Variants in ZCCHC2 observed in about 807,000 individuals in gnomAD.
ZCCHC2 encodes the protein zinc finger CCHC-type containing 2.
ZCCHC2 carries 39 observed loss-of-function variants against 103.6 expected under a neutral mutation model. The ratio of observed to expected loss-of-function variants is 0.38; its 90% confidence interval spans 0.29 to 0.49. The LOEUF (loss-of-function observed/expected upper bound fraction) is 0.49, where lower values mean the gene tolerates loss of function less well. ZCCHC2 is among the 20% of genes least tolerant of loss of function. The pLI is 0.96. For synonymous variants in ZCCHC2, 687 were observed against 608.9 expected (o/e 1.13, Z -1.89); for missense variants, 1,483 against 1,491.0 (o/e 0.99, Z 0.09).
In ZCCHC2 at chr18:62,523,721, C is replaced by T. The variant is rs1385355930; in HGVS notation, c.297C>T (p.Tyr99=). The change falls in exon 1 of 14, where the codon TAC becomes TAT. Residue 99 remains tyrosine (Y), a synonymous_variant. Transcript: ENST00000269499. Reference sequence around the variant, plus strand: ...CGCTGCGCGAGCAGGAGCGGGTATACGAGTGGTTCGGGCTGGTGCTGGGCT... The same window carrying T: ...CGCTGCGCGAGCAGGAGCGGGTATATGAGTGGTTCGGGCTGGTGCTGGGCT... ...SAALREQERV[Y]EWFGLVLGSA... The T allele has an allele frequency of 1.8e-5, 28 of 1,515,636 alleles. No homozygotes were observed. Among genetic ancestry groups the T allele is most frequent in the Non-Finnish European group, 2.3e-5 (26 of 1,139,870 alleles). The allele number at this position is 1,515,636 out of a possible 1,614,324, so 93.9% of individuals were successfully genotyped here.
chr18:62,579,451 C>T (rs986125874), downstream of ZCCHC2, among the ~76,000 whole-genome samples: 10 of 152,192 alleles, frequency 6.6e-5, no homozygotes, highest in Admixed American at 1.3e-4. Flanking sequence ...TGGCCAGCAC[C>T]GTCCTGGGCC....
intron 11 of ZCCHC2, among the ~76,000 whole-genome samples, chr18:62,569,501 GA>G (rs146238632): frequency 3.4e-5 from 5 of 149,098 alleles, no homozygotes; most frequent in South Asian, 2.1e-4. Flanking sequence ...GCCACTACAG[GA>G]AAAAAAAAAT....
At chr18:62,544,148 G>GGTC (rs1915315047) in intron 3 of ZCCHC2, among the ~76,000 whole-genome samples, 1 of 152,208 alleles carries the variant, frequency 6.6e-6, no homozygotes, top group Non-Finnish European at 1.5e-5. Flanking sequence ...AAAGCATCGA[G>GGTC]GAGGTAGTGG....
rs1351637815 is a variant in ZCCHC2 at position 62,539,789 on chromosome 18, G to A, written c.1048G>A (p.Glu350Lys). ...LTVAPHRAQR[E>K]AVHIEKIMLK... ...CGTGGCACCTCACAGAGCTCAGCGA[G>A]AAGGTATGCTCTCTTTTTTGTAAAC... Residue 350 changes from glutamate to lysine, a missense_variant, in exon 2 of 14, where the codon GAA becomes AAA. Glu to Lys is a moderately conservative substitution (Grantham distance 56, BLOSUM62 1). Around this residue, in one of 3 missense-constraint regions of ZCCHC2, gnomAD observed 568 missense variants for 525.1 expected, o/e 1.08. Coordinates refer to ENST00000269499, the MANE Select transcript of ZCCHC2 (RefSeq NM_017742.6). The A allele has an allele frequency of 6.2e-7, 1 of 1,603,676 alleles. No homozygotes were observed. Among genetic ancestry groups the A allele is most frequent in the South Asian group, 1.1e-5 (1 of 88,902 alleles).
intron 5 of ZCCHC2, among the ~76,000 whole-genome samples, chr18:62,554,694 C>T (rs1598949735): frequency 6.6e-6 from 1 of 152,176 alleles, no homozygotes; most frequent in South Asian, 2.1e-4. Context: ...GTGCTTTTGA[C>T]CAGTTGGTTT....
rs537334653 is a variant in ZCCHC2, at chr18:62,577,007, A to G, written c.*428A>G. ...CCAGCTTTTCTCACTTTCACCCTAA[A>G]CGACACTTCCTCCCCAGCCAGCCTC... On this transcript the variant is annotated 3_prime_UTR_variant, in exon 14 of 14. Coordinates refer to ENST00000269499, the MANE Select transcript of ZCCHC2 (RefSeq NM_017742.6). The G allele has an allele frequency of 2.5e-5, 4 of 156,982 alleles. No individual in the cohort carries two copies. The highest frequency in any genetic ancestry group is 9.7e-5 in the African/African-American group (4 of 41,450). 9.7% of individuals were successfully genotyped at this position (156,982 alleles called of 1,614,324 possible).
At chr18:62,582,773 T>A (rs143333693), downstream of ZCCHC2, among the ~76,000 whole-genome samples, 1 of 152,130 alleles carries the variant, frequency 6.6e-6, no homozygotes, top group African/African-American at 2.4e-5. Flanking sequence ...CTAGTTGAAT[T>A]CAATTTTGAT....
chr18:62,572,151 A>G (rs574368987), intron 12 of ZCCHC2, among the ~76,000 whole-genome samples: 1 of 152,306 alleles, frequency 6.6e-6, no homozygotes, highest in Admixed American at 6.5e-5. Context: ...CCTGGGCTCA[A>G]GTGATCCTCC....
intron 11 of ZCCHC2, among the ~76,000 whole-genome samples, chr18:62,567,053 A>G (rs533677868): frequency 2.0e-5 from 3 of 152,294 alleles, no homozygotes; most frequent in South Asian, 2.1e-4. Flanking sequence ...TTTCTCCTCT[A>G]TATCCGTCAC....
At chr18:62,581,951 G>A, downstream of ZCCHC2, 1 of 158,624 alleles carries the variant, frequency 6.3e-6, no homozygotes, top group South Asian at 1.6e-4. Flanking sequence ...GCCCCAGAGT[G>A]GAGAGTCACC....
chr18:62,570,168 T>A lies in ZCCHC2; in HGVS notation c.1912T>A (p.Ser638Thr), dbSNP rs1387960005. 3 of 1,612,298 alleles carry A rather than the reference T, an allele frequency of 1.9e-6. No homozygotes were observed. The highest frequency in any genetic ancestry group is 2.5e-6 in the Non-Finnish European group (3 of 1,179,144). ...CGETSSESYS[S>T]PSSPRHDGRE... is the part of the protein sequence containing the mutation. ...AGAAACATCTTCAGAGAGTTACAGTTCTCCATCTAGTCCCCGACATGATGG... is the reference window on the plus strand; with the variant it reads ...AGAAACATCTTCAGAGAGTTACAGTACTCCATCTAGTCCCCGACATGATGG... The change falls in exon 12 of 14, where the codon TCT becomes ACT. Residue 638 changes from serine to threonine, a missense_variant. Ser to Thr is a moderately conservative substitution (Grantham distance 58). Around this residue, in one of 3 missense-constraint regions of ZCCHC2, gnomAD observed 884 missense variants for 907.5 expected, o/e 0.97. Transcript: ENST00000269499.
intron 4 of ZCCHC2, among the ~76,000 whole-genome samples, chr18:62,547,012 T>G (rs933994084): frequency 6.6e-6 from 1 of 152,154 alleles, no homozygotes; most frequent in African/African-American, 2.4e-5. Context: ...TTTTACCTTC[T>G]TTTTAACATC....
chr18:62,570,371 G>A, intron 12 of ZCCHC2, 140 bp downstream of exon 12: 1 of 1,104,176 alleles, frequency 9.1e-7, no homozygotes, highest in Non-Finnish European at 1.3e-6. Context: ...TAAATGTAAA[G>A]TCGTTATAAA....
Position 62,523,553 on chromosome 18 carries a change from C to CCCGCCGCCG in ZCCHC2, c.141_149dup (p.Pro48_Pro50dup), listed in dbSNP as rs563687016. 230 of 932,810 alleles carry CCCGCCGCCG rather than the reference C, an allele frequency of 2.5e-4. No individual in the cohort carries two copies. Among genetic ancestry groups the CCCGCCGCCG allele is most frequent in the South Asian group, 7.5e-4 (15 of 20,058 alleles). The allele number at this position is 932,810 out of a possible 1,614,324, so 57.8% of individuals were successfully genotyped here. A position where few individuals can be genotyped will look rare whatever the true frequency, so the allele number is the denominator to read the frequency against. ...CGCGCCGCCGCCGCGACTGCCGCCC[C>CCCGCCGCCG]CCGCCGCCGCCGCCGCCGCCCGCGG... On this transcript the variant is annotated inframe_insertion, in exon 1 of 14. Transcript: ENST00000269499.
rs1278468184 is a variant in ZCCHC2, at chr18:62,564,612, G to C, written c.1728G>C (p.Lys576Asn). 20 of 1,544,764 alleles carry C rather than the reference G, an allele frequency of 1.3e-5. No individual in the cohort carries two copies. The highest frequency in any genetic ancestry group is 1.4e-5 in the Non-Finnish European group (16 of 1,143,764). ...EKRSLSSINKKKGKPQTEKEK... is the reference protein window; with the variant it reads ...EKRSLSSINKNKGKPQTEKEK... ...GGAGTTTATCTTCAATAAATAAGAA[G>C]AAAGGAAAGCCACAAACAGAAAAGT... The change falls in exon 10 of 14, where the codon AAG becomes AAC. Residue 576 changes from lysine (K) to asparagine (N), a missense_variant. Physicochemically the swap from Lys to Asn is moderately conservative, Grantham distance 94 (BLOSUM62 0). Transcript: ENST00000269499.
intron 1 of ZCCHC2, among the ~76,000 whole-genome samples, chr18:62,531,190 T>G (rs1205818997): frequency 6.6e-6 from 1 of 152,198 alleles, no homozygotes; most frequent in African/African-American, 2.4e-5. Context: ...AAAGAATTCT[T>G]TGTCACAAAA....
At chr18:62,543,116 A>C (rs1226281261) in intron 3 of ZCCHC2, among the ~76,000 whole-genome samples, 4 of 151,894 alleles carry the variant, frequency 2.6e-5, no homozygotes, top group Non-Finnish European at 2.9e-5. Context: ...CATCTTCCTT[A>C]CTTCTCCCTG....
At chr18:62,573,963 T>C in intron 12 of ZCCHC2, 94 bp from the exon 13 acceptor site, 1 of 1,305,386 alleles carries the variant, frequency 7.7e-7, no homozygotes, top group Non-Finnish European at 1.0e-6. Flanking sequence ...CTTTCCAAAC[T>C]TGAGTTACTT....
At chr18:62,555,764 C>T (rs915149934) in intron 5 of ZCCHC2, among the ~76,000 whole-genome samples, 1 of 151,700 alleles carries the variant, frequency 6.6e-6, no homozygotes, top group Non-Finnish European at 1.5e-5. Flanking sequence ...GCTGAGATCG[C>T]GCCATTGCAC....
Sources: gnomAD v4.1 joint callset for allele counts (sites outside exome capture counted in the v4.1 genomes callset) on GRCh38, gnomAD v4.1.1 for gene constraint, gnomAD v4.1.1 regional missense constraint, MANE v1.5 for transcripts, NCBI Gene and HGNC (gene_info 2026-07-23, HGNC 2026-07-21) for gene names.